PARM1: variants seen among roughly 807,000 people sequenced by gnomAD.
The protein encoded by PARM1 is prostate androgen-regulated mucin-like protein 1.
A neutral mutation model predicts 24.6 loss-of-function variants in PARM1; 14 were observed. The observed-to-expected ratio is 0.57, with a 90% confidence interval of 0.38 to 0.89. The LOEUF is 0.89. Ranked by LOEUF, PARM1 falls within the 40% of genes least tolerant of loss-of-function variation. The pLI is 0.00. For missense variants in PARM1, 362 were observed against 380.4 expected (o/e 0.95, Z 0.40); for synonymous variants, 179 against 156.6 (o/e 1.14, Z -1.07).
chr4:75,044,982 G>T (rs998659010), intron 3 of PARM1, among the ~76,000 whole-genome samples: 5 of 152,180 alleles, frequency 3.3e-5, no homozygotes, highest in African/African-American at 1.2e-4. Flanking sequence ...CTTCCACAGG[G>T]TTCCTCCCAC....
intron 2 of PARM1, among the ~76,000 whole-genome samples, chr4:75,020,435 T>C (rs1723069143): frequency 6.6e-6 from 1 of 152,124 alleles, no homozygotes; most frequent in South Asian, 2.1e-4. Flanking sequence ...CTTCTCTTCA[T>C]TTTTATCTCA....
chr4:75,028,217 T>C (rs1391926124), intron 2 of PARM1, among the ~76,000 whole-genome samples: 1 of 152,238 alleles, frequency 6.6e-6, no homozygotes, highest in African/African-American at 2.4e-5. Context: ...CTGTTGTTCT[T>C]TGGAGGAAGG....
chr4:74,983,089 G>A (rs1722289735), intron 1 of PARM1, among the ~76,000 whole-genome samples: 1 of 152,176 alleles, frequency 6.6e-6, no homozygotes, highest in Admixed American at 6.5e-5. Context: ...TACTAAGTTA[G>A]AGGGAAAATT....
chr4:74,966,852 C>T (rs147744074), intron 1 of PARM1: 9 of 152,200 alleles, frequency 5.9e-5, no homozygotes, highest in African/African-American at 1.2e-4. Context: ...ATTGGCATTA[C>T]GGGTGTTGAT....
Position 75,012,774 on chromosome 4 carries a change from A to G in PARM1, c.393A>G (p.Glu131=). ...AGGAACACAGCTCGGGCACTCCTGA[A>G]GCAGGCGTGGCAGCTACACTGTCGC... is the stretch of plus-strand genomic sequence containing the variant. ...TLEEHSSGTP[E]AGVAATLSQS... The change falls in exon 2 of 4, where the codon GAA becomes GAG. Residue 131 remains glutamate (E), a synonymous_variant. Coordinates refer to ENST00000307428, the MANE Select transcript of PARM1 (RefSeq NM_015393.4). 1.2e-6 allele frequency: 2 copies of G among 1,613,998 alleles called. No individual in the cohort carries two copies. Among genetic ancestry groups the G allele is most frequent in the Non-Finnish European group, 1.7e-6 (2 of 1,179,896 alleles).
At chr4:74,994,630 G>A (rs1411841423) in intron 1 of PARM1, among the ~76,000 whole-genome samples, 4 of 152,046 alleles carry the variant, frequency 2.6e-5, no homozygotes, top group South Asian at 2.1e-4. Context: ...GCAACATAGT[G>A]AAACCCTGTC....
chr4:74,938,446 T>A (rs1721237137), intron 1 of PARM1, among the ~76,000 whole-genome samples: 1 of 152,216 alleles, frequency 6.6e-6, no homozygotes, highest in African/African-American at 2.4e-5. Flanking sequence ...TTTGTCTTGT[T>A]CATAAGATAT....
chr4:74,960,469 T>A (rs1013498195), intron 1 of PARM1, among the ~76,000 whole-genome samples: 4 of 152,226 alleles, frequency 2.6e-5, no homozygotes, highest in Admixed American at 2.6e-4. Flanking sequence ...GTTTACATGT[T>A]GGGCTGATCA....
intron 1 of PARM1, among the ~76,000 whole-genome samples, chr4:74,972,724 AT>A (rs1722062829): frequency 6.6e-6 from 1 of 152,224 alleles, no homozygotes; most frequent in Non-Finnish European, 1.5e-5. Flanking sequence ...AGAAAGTAAC[AT>A]AAGCTCAATC....
rs897345372 is a variant in PARM1, at chr4:74,979,147, C to A, written c.44-33278C>A. ...GGAGATAGAGACGCACACACACACA[C>A]AAAAAAAAACCTTCGAAAAAATCAA... On this transcript the variant is annotated intron_variant, in intron 1 of 3. Transcript: ENST00000307428. Among the ~76,000 whole-genome samples, 191 of 148,432 alleles carry A rather than the reference C, an allele frequency of 1.3e-3. 1 individual carries two copies. Among genetic ancestry groups the A allele is most frequent in the African/African-American group, 4.4e-3 (178 of 40,144 alleles).
chr4:75,041,132 G>T (rs1256552091), intron 3 of PARM1, among the ~76,000 whole-genome samples: 1 of 152,156 alleles, frequency 6.6e-6, no homozygotes, highest in Non-Finnish European at 1.5e-5. Context: ...GATCTGTTCA[G>T]TTTATTAAGG....
At chr4:74,946,154 G>T (rs1467351780) in intron 1 of PARM1, among the ~76,000 whole-genome samples, 1 of 152,182 alleles carries the variant, frequency 6.6e-6, no homozygotes, top group Non-Finnish European at 1.5e-5. Flanking sequence ...TCAGGTCACT[G>T]AGGTTCAGAA....
At chr4:74,986,314 C>G (rs1452771828) in intron 1 of PARM1, among the ~76,000 whole-genome samples, 1 of 152,150 alleles carries the variant, frequency 6.6e-6, no homozygotes, top group Non-Finnish European at 1.5e-5. Context: ...TTATCTTTCT[C>G]TAGCTAATGT....
intron 1 of PARM1, among the ~76,000 whole-genome samples, chr4:74,944,738 G>T (rs1721378938): frequency 6.6e-6 from 1 of 152,048 alleles, no homozygotes; most frequent in Non-Finnish European, 1.5e-5. Context: ...CAGATTGGAG[G>T]GGTAACAGAA....
chr4:74,968,224 G>A (rs547528584), intron 1 of PARM1, among the ~76,000 whole-genome samples: 2 of 152,222 alleles, frequency 1.3e-5, no homozygotes, highest in African/African-American at 4.8e-5. Context: ...CTCTAAATTT[G>A]TCAGAGAAAT....
intron 1 of PARM1, among the ~76,000 whole-genome samples, chr4:74,948,886 G>C (rs1362438301): frequency 6.6e-6 from 1 of 152,224 alleles, no homozygotes; most frequent in East Asian, 1.9e-4. Context: ...GCCAGGCATG[G>C]TGGCAGGTGC....
intron 1 of PARM1, among the ~76,000 whole-genome samples, chr4:75,001,071 T>C (rs368821048): frequency 7.9e-5 from 12 of 152,212 alleles, no homozygotes; most frequent in African/African-American, 2.7e-4. Context: ...AAGATGGAGA[T>C]ATAATATTTC....
intron 1 of PARM1, among the ~76,000 whole-genome samples, chr4:74,977,597 AT>A (rs1205206663): frequency 6.6e-6 from 1 of 152,236 alleles, no homozygotes; most frequent in Non-Finnish European, 1.5e-5. Flanking sequence ...CAACATTCAA[AT>A]CCTGGAAATT....
intron 3 of PARM1, among the ~76,000 whole-genome samples, chr4:75,042,771 T>G (rs1723519038): frequency 6.6e-6 from 1 of 152,132 alleles, no homozygotes; most frequent in Non-Finnish European, 1.5e-5. Context: ...AGTATCCAAT[T>G]TGTCCAAACC....
Sources: allele counts gnomAD v4.1 joint callset (sites outside exome capture counted in the v4.1 genomes callset), GRCh38; gene constraint gnomAD v4.1.1; transcripts MANE v1.5; gene names NCBI Gene and HGNC (gene_info 2026-07-23, HGNC 2026-07-21).